Variants in DRAM1 observed in about 807,000 individuals in gnomAD.
DRAM1 encodes the protein DNA damage-regulated autophagy modulator protein 1.
DRAM1 carries 25 observed loss-of-function variants against 28.5 expected under a neutral mutation model. That is an observed-to-expected ratio of 0.88 (90% CI 0.64 to 1.23). DRAM1 has a LOEUF of 1.23. Ranked by LOEUF, DRAM1 falls within the 50% of genes most tolerant of loss-of-function variation. DRAM1 has a pLI of 0.00. For synonymous variants in DRAM1, 113 were observed against 114.2 expected, an observed-to-expected ratio of 0.99 and a Z score of 0.07; for missense variants, 249 against 299.2, an observed-to-expected ratio of 0.83 and a Z score of 1.24.
rs960149852 is a variant in DRAM1, at chr12:101,883,441, A to G, written c.131+5521A>G. On this transcript the variant is annotated intron_variant, in intron 1 of 6. Transcript: ENST00000258534. ...GCGATTCTCCTGCCTCAGCCTCCTG[A>G]TAGCTGGGATTACAGGCACGTGCCA... 4.0e-5 allele frequency among the ~76,000 whole-genome samples: 6 copies of G among 150,394 alleles called. No individual in the cohort carries two copies. The Admixed American group carries it at 4.0e-4, about 10-fold the overall frequency.
At position 101,877,930 on chromosome 12, in the gene DRAM1, A is replaced by C; in HGVS notation, c.131+10A>C. The C allele has an allele frequency of 6.6e-7, 1 of 1,524,062 alleles. No individual in the cohort carries two copies. Among genetic ancestry groups the C allele is most frequent in the Non-Finnish European group, 8.8e-7 (1 of 1,130,666 alleles). 94.4% of individuals were successfully genotyped at this position (1,524,062 alleles called of 1,614,324 possible). On this transcript the variant is annotated intron_variant, in intron 1 of 6. Coordinates refer to ENST00000258534, the MANE Select transcript of DRAM1 (RefSeq NM_018370.3). The surrounding 1 kb of genome is among the most constrained non-coding windows in gnomAD (Gnocchi z 4.1). ...TCCTCCCGTATATCAGGTGAGTGGC[A>C]GGGTGGGCGTCAGGGCCCCAGGAGC...
intron 1 of DRAM1, among the ~76,000 whole-genome samples, chr12:101,888,992 G>A (rs1289728837): frequency 3.3e-5 from 5 of 151,474 alleles, no homozygotes; most frequent in African/African-American, 1.2e-4. Context: ...TTGTAGAGAC[G>A]GGATCTCACT....
At chr12:101,883,940 A>T (rs7308982) in intron 1 of DRAM1, among the ~76,000 whole-genome samples, 2 of 140,774 alleles carry the variant, frequency 1.4e-5, no homozygotes, top group Middle Eastern at 3.4e-3. Context: ...TCTCAAAAAA[A>T]AAAAAAATAA....
At chr12:101,878,615 T>C (rs1482693657) in intron 1 of DRAM1, among the ~76,000 whole-genome samples, 1 of 152,238 alleles carries the variant, frequency 6.6e-6, no homozygotes, top group Non-Finnish European at 1.5e-5. Flanking sequence ...TTCCTGTGCT[T>C]TGGCCTCTAC....
intron 1 of DRAM1, among the ~76,000 whole-genome samples, chr12:101,895,250 T>C (rs1208996304): frequency 1.5e-5 from 2 of 129,272 alleles, no homozygotes; most frequent in African/African-American, 5.7e-5. Flanking sequence ...TGATCTCAGC[T>C]CACTGCAAAC....
chr12:101,916,676 G>A (rs975917426), intron 5 of DRAM1, among the ~76,000 whole-genome samples: 1 of 152,142 alleles, frequency 6.6e-6, no homozygotes, highest in Non-Finnish European at 1.5e-5. Context: ...TTCCCCCAAG[G>A]ATCAGGTGGA....
At chr12:101,905,021 C>G (rs1873751303) in intron 3 of DRAM1, among the ~76,000 whole-genome samples, 2 of 152,112 alleles carry the variant, frequency 1.3e-5, no homozygotes, top group Admixed American at 1.3e-4. Flanking sequence ...GTCTCAGTCT[C>G]TTGAGTAGCT....
At position 101,883,314 on chromosome 12, in the gene DRAM1, GTT is replaced by G. The variant is rs1225341398; in HGVS notation, c.131+5410_131+5411del. 2.2e-4 allele frequency among the ~76,000 whole-genome samples: 24 copies of G among 109,076 alleles called. 3 individuals are homozygous for G. Among genetic ancestry groups the G allele is most frequent in the Non-Finnish European group, 2.0e-4 (11 of 54,798 alleles). 71.6% of individuals were successfully genotyped at this position (109,076 alleles called of 152,430 possible). On this transcript the variant is annotated intron_variant, in intron 1 of 6. Coordinates refer to ENST00000258534, the MANE Select transcript of DRAM1 (RefSeq NM_018370.3). ...TTTGTTTTATTTTTTACCCAAATAG[GTT>G]TTTTTTTTTTTTTTTGAGATGGAGT...
intron 4 of DRAM1, among the ~76,000 whole-genome samples, chr12:101,911,166 G>A (rs1874027606): frequency 6.6e-6 from 1 of 152,118 alleles, no homozygotes; most frequent in African/African-American, 2.4e-5. Flanking sequence ...AACCAGGAGT[G>A]GGAGGTTACA....
At chr12:101,912,778 G>C (rs1294471563) in intron 4 of DRAM1, among the ~76,000 whole-genome samples, 3 of 148,400 alleles carry the variant, frequency 2.0e-5, no homozygotes, top group African/African-American at 7.5e-5. Context: ...CTGTTGCCCA[G>C]GTTGGAGTGC....
chr12:101,907,015 A>G (rs1198573383), intron 3 of DRAM1, among the ~76,000 whole-genome samples: 3 of 151,606 alleles, frequency 2.0e-5, no homozygotes, highest in African/African-American at 7.2e-5. Context: ...TGGCAGGGAC[A>G]GGGAACTTGT....
intron 1 of DRAM1, among the ~76,000 whole-genome samples, chr12:101,893,293 G>A (rs1426939829): frequency 4.6e-5 from 7 of 152,154 alleles, no homozygotes; most frequent in African/African-American, 1.2e-4. Flanking sequence ...GTGACCTGCC[G>A]TTTGGTAGCC....
intron 3 of DRAM1, among the ~76,000 whole-genome samples, chr12:101,907,353 G>A (rs765662444): frequency 2.6e-5 from 4 of 151,958 alleles, no homozygotes; most frequent in Admixed American, 1.3e-4. Flanking sequence ...AACCACCCTT[G>A]GCACCATCAT....
chr12:101,901,083 GTGTGTGT>G (rs1873583738), intron 2 of DRAM1, among the ~76,000 whole-genome samples: 1 of 13,348 alleles, frequency 7.5e-5, no homozygotes, highest in East Asian at 0.014. Flanking sequence ...CAAGGGGTGT[GTGTGTGT>G]GTGTGTGTGT....
intron 1 of DRAM1, among the ~76,000 whole-genome samples, chr12:101,885,525 CTTT>C (rs11342964): frequency 0.058 from 5,621 of 96,480 alleles, 267 homozygotes; most frequent in East Asian, 0.23. Flanking sequence ...TCCCACTGGA[CTTT>C]TTTTTTTTTT....
chr12:101,895,198 T>TTTTTTTTTTTTTTTTTTTTTG, intron 1 of DRAM1, among the ~76,000 whole-genome samples: 1 of 128,772 alleles, frequency 7.8e-6, no homozygotes, highest in Non-Finnish European at 1.6e-5. Context: ...TTTTTTTTTT[T>TTTTTTTTTTTTTTTTTTTTTG]TTTTTTTTTT....
intron 4 of DRAM1, among the ~76,000 whole-genome samples, chr12:101,911,584 C>A (rs998311801): frequency 1.3e-5 from 2 of 152,170 alleles, no homozygotes; most frequent in African/African-American, 4.8e-5. Flanking sequence ...GGATTATCCT[C>A]CTCCACTTTG....
At chr12:101,903,924 CAT>C (rs1278212191) in intron 3 of DRAM1, among the ~76,000 whole-genome samples, 51 of 83,268 alleles carry the variant, frequency 6.1e-4, no homozygotes, top group Admixed American at 2.2e-3. Context: ...CACACACACA[CAT>C]ACACACACAC....
chr12:101,908,847 T>G (rs1364411156), intron 4 of DRAM1, among the ~76,000 whole-genome samples: 1 of 150,576 alleles, frequency 6.6e-6, no homozygotes, highest in Non-Finnish European at 1.5e-5. Flanking sequence ...CAAAGGATCT[T>G]TGTCACCGTG....
Sources: gnomAD v4.1 joint callset for allele counts (sites outside exome capture counted in the v4.1 genomes callset) on GRCh38, gnomAD v4.1.1 for gene constraint, Gnocchi (gnomAD v3.1) non-coding constraint, MANE v1.5 for transcripts, NCBI Gene and HGNC (gene_info 2026-07-23, HGNC 2026-07-21) for gene names.